ZNF892: variants seen among roughly 807,000 people sequenced by gnomAD.
ZNF892 encodes zinc finger protein 570-like.
the ZNF892 span, chr2:95,214,278 C>T: frequency 2.5e-6 from 1 of 397,928 alleles, no homozygotes; most frequent in Non-Finnish European, 4.4e-6. Context: ...CCTACCACAG[C>T]AGTTATTTTT....
the ZNF892 span, among the ~76,000 whole-genome samples, chr2:95,254,892 ATGG>A: frequency 6.6e-6 from 1 of 152,124 alleles, no homozygotes; most frequent in African/African-American, 2.4e-5. Flanking sequence ...GTATTCTCTG[ATGG>A]TGGTTTGTAT....
the ZNF892 span, among the ~76,000 whole-genome samples, chr2:95,224,521 C>T: frequency 3.3e-5 from 5 of 152,132 alleles, no homozygotes; most frequent in East Asian, 9.7e-4. Flanking sequence ...TCTTACATGG[C>T]CAGAGCAGGA....
chr2:95,261,146 G>A, the ZNF892 span, among the ~76,000 whole-genome samples: 1 of 152,162 alleles, frequency 6.6e-6, no homozygotes, highest in Non-Finnish European at 1.5e-5. Flanking sequence ...ACCCAGAAGA[G>A]GGAGGCCCTG....
the ZNF892 span, among the ~76,000 whole-genome samples, chr2:95,227,791 T>G: frequency 6.6e-6 from 1 of 152,038 alleles, no homozygotes; most frequent in African/African-American, 2.4e-5. Flanking sequence ...TGATTTTTTT[T>G]TTTCTTTGTA....
chr2:95,230,717 A>G, the ZNF892 span, among the ~76,000 whole-genome samples: 4 of 152,200 alleles, frequency 2.6e-5, no homozygotes, highest in African/African-American at 9.7e-5. Context: ...CCTTGCACCA[A>G]ATCTGGAATC....
At chr2:95,219,498 AT>A in the ZNF892 span, among the ~76,000 whole-genome samples, 1 of 152,090 alleles carries the variant, frequency 6.6e-6, no homozygotes, top group Non-Finnish European at 1.5e-5. Context: ...GTAATTACTC[AT>A]TGAGGCATTT....
At chr2:95,221,007 A>C in the ZNF892 span, among the ~76,000 whole-genome samples, 1 of 152,208 alleles carries the variant, frequency 6.6e-6, no homozygotes, top group African/African-American at 2.4e-5. Flanking sequence ...ATGACATATG[A>C]TATCATAGAG....
chr2:95,219,122 C>T, the ZNF892 span, among the ~76,000 whole-genome samples: 1 of 152,038 alleles, frequency 6.6e-6, no homozygotes, highest in African/African-American at 2.4e-5. Context: ...CCTCAGCCTC[C>T]CAAGTAGCTG....
the ZNF892 span, among the ~76,000 whole-genome samples, chr2:95,229,649 G>A: frequency 3.3e-5 from 5 of 152,210 alleles, no homozygotes; most frequent in African/African-American, 9.6e-5. Context: ...TTCACTGATG[G>A]TGTGGTATTC....
chr2:95,262,194 G>A, the ZNF892 span, among the ~76,000 whole-genome samples: 2 of 152,204 alleles, frequency 1.3e-5, no homozygotes, highest in African/African-American at 4.8e-5. Flanking sequence ...GAATGCAAGT[G>A]AGGGAGAAGT....
At chr2:95,210,231 GTATATATGTATATA>G in the ZNF892 span, among the ~76,000 whole-genome samples, 2 of 148,898 alleles carry the variant, frequency 1.3e-5, no homozygotes, top group African/African-American at 2.5e-5. Flanking sequence ...ATATATATGT[GTATATATGTATATA>G]TATATGTGTA....
chr2:95,256,227 G>A, the ZNF892 span, among the ~76,000 whole-genome samples: 1 of 152,172 alleles, frequency 6.6e-6, no homozygotes, highest in Non-Finnish European at 1.5e-5. Context: ...TCCTTTCCAT[G>A]TTTAGTGCTT....
At chr2:95,211,430 C>T in the ZNF892 span, among the ~76,000 whole-genome samples, 1 of 152,202 alleles carries the variant, frequency 6.6e-6, no homozygotes, top group Non-Finnish European at 1.5e-5. Flanking sequence ...TGCCTGGAGG[C>T]AGAGAGTGAG....
the ZNF892 span, among the ~76,000 whole-genome samples, chr2:95,253,704 T>A: frequency 1.3e-5 from 2 of 152,246 alleles, no homozygotes; most frequent in African/African-American, 4.8e-5. Context: ...TATTGATTCT[T>A]CCTGCCCATG....
chr2:95,243,093 C>G, the ZNF892 span, among the ~76,000 whole-genome samples: 1 of 152,224 alleles, frequency 6.6e-6, no homozygotes, highest in Admixed American at 6.5e-5. Context: ...CGCGAGTGAT[C>G]CGCCAGCCTC....
the ZNF892 span, among the ~76,000 whole-genome samples, chr2:95,248,390 C>G: frequency 6.6e-6 from 1 of 152,152 alleles, no homozygotes; most frequent in Non-Finnish European, 1.5e-5. Flanking sequence ...CTATTGAGCA[C>G]TATGCTCAGC....
At chr2:95,228,527 T>G in the ZNF892 span, among the ~76,000 whole-genome samples, 1 of 152,216 alleles carries the variant, frequency 6.6e-6, no homozygotes, top group African/African-American at 2.4e-5. Context: ...GTTGTCCAAA[T>G]TCTCTAGTTG....
At chr2:95,231,463 CATACAACTGTGTATCTGTTTGTCAAA>C in the ZNF892 span, among the ~76,000 whole-genome samples, 1 of 152,116 alleles carries the variant, frequency 6.6e-6, no homozygotes, top group Non-Finnish European at 1.5e-5. Flanking sequence ...TTGGGGTGTG[CATACAACTGTGTATCTGTTTGTCAAA>C]ATTGTACAGT....
chr2:95,230,488 TA>T, the ZNF892 span, among the ~76,000 whole-genome samples: 1 of 152,232 alleles, frequency 6.6e-6, no homozygotes, highest in African/African-American at 2.4e-5. Context: ...TTTATCCATT[TA>T]AAAAAATTCA....
Sources: gnomAD v4.1 joint callset for allele counts (sites outside exome capture counted in the v4.1 genomes callset) on GRCh38, gnomAD v4.1.1 for gene constraint, MANE v1.5 for transcripts, NCBI Gene and HGNC (gene_info 2026-07-23, HGNC 2026-07-21) for gene names.